The following MLLT1 variants were observed in gnomAD, a reference collection of about 807,000 sequenced individuals.
The protein encoded by MLLT1 is MLLT1 super elongation complex subunit, also known as protein ENL.
A neutral mutation model predicts 55.1 loss-of-function variants in MLLT1; 11 were observed. That is an observed-to-expected ratio of 0.20 (90% CI 0.13 to 0.33). The LOEUF (loss-of-function observed/expected upper bound fraction) is 0.33, where lower values mean the gene tolerates loss of function less well. MLLT1 is among the 10% of genes least tolerant of loss of function. MLLT1 has a pLI of 1.00. For missense variants in MLLT1, 536 were observed against 760.6 expected (o/e 0.70, Z 3.47); for synonymous variants, 323 against 320.1 (o/e 1.01, Z -0.10).
rs538233758 is a variant in MLLT1 at position 6,248,560 on chromosome 19, C to G, written c.276+13668G>C. 1.2e-4 allele frequency among the ~76,000 whole-genome samples: 18 copies of G among 152,334 alleles called. 1 individual carries two copies. The highest frequency in any genetic ancestry group is 6.8e-3 in the Middle Eastern group (2 of 294). The stretch of plus-strand genomic sequence containing the variant: ...TTACCTCTGTGGTCTTCTTATGGAA[C>G]TCTATAGCCACGGACTAGCCATGAG... On this transcript the variant is annotated intron_variant, in intron 3 of 11. Coordinates refer to ENST00000252674, the MANE Select transcript of MLLT1 (RefSeq NM_005934.4).
intron 2 of MLLT1, among the ~76,000 whole-genome samples, chr19:6,265,190 G>A (rs1285519644): frequency 6.6e-6 from 1 of 151,982 alleles, no homozygotes; most frequent in Non-Finnish European, 1.5e-5. Flanking sequence ...CTTTCCAGAA[G>A]ATACTAACAC....
chr19:6,232,778 T>G (rs981204139), intron 3 of MLLT1, among the ~76,000 whole-genome samples: 13 of 152,206 alleles, frequency 8.5e-5, no homozygotes, highest in Admixed American at 8.5e-4. Flanking sequence ...ATTTAAAACT[T>G]GTGATGATTG....
rs1285076826 is a variant in MLLT1, at chr19:6,260,917, C to T, written c.276+1311G>A. On this transcript the variant is annotated intron_variant, in intron 3 of 11. Coordinates refer to ENST00000252674, the MANE Select transcript of MLLT1 (RefSeq NM_005934.4). Reference sequence around the variant, plus strand: ...CCTCAGAGGACCTTAATCTAAGTCACCCCAGAGGCGAGTTTAAACTGCCCA... The same window carrying T: ...CCTCAGAGGACCTTAATCTAAGTCATCCCAGAGGCGAGTTTAAACTGCCCA... Among the ~76,000 whole-genome samples the T allele has an allele frequency of 2.6e-5, 4 of 152,364 alleles. 1 individual carries two copies. In the South Asian group the frequency reaches 8.3e-4, roughly 32 times the overall value.
In MLLT1 at chr19:6,222,523, G is replaced by T; in HGVS notation, c.708C>A (p.Gly236=). The T allele has an allele frequency of 6.2e-7, 1 of 1,600,072 alleles. No homozygotes were observed. Among genetic ancestry groups the T allele is most frequent in the Non-Finnish European group, 8.5e-7 (1 of 1,179,544 alleles). The change falls in exon 6 of 12, where the codon GGC becomes GGA. Residue 236 remains glycine, a synonymous_variant. Transcript: ENST00000252674. The surrounding 1 kb of genome is among the most constrained non-coding windows in gnomAD (Gnocchi z 4.1). ...GCGCCTTCTCCTCCTTGGGCAGCCG[G>T]CCCTCGCCCAGCTTCCGCGAGGTGT... ...SKDTSRKLGE[G]RLPKEEKAPP... is the part of the protein sequence containing the mutation.
At chr19:6,216,812 A>C (rs544362099) in intron 7 of MLLT1, 5 of 398,628 alleles carry the variant, frequency 1.3e-5, no homozygotes, top group African/African-American at 2.1e-5. Context: ...CTGCAGCCGG[A>C]GGAGAACCCC....
intron 3 of MLLT1, among the ~76,000 whole-genome samples, chr19:6,244,905 A>C (rs2091152450): frequency 6.6e-6 from 1 of 152,250 alleles, no homozygotes; most frequent in Admixed American, 6.5e-5. Context: ...CACACCCACT[A>C]GGACAGACGG....
chr19:6,267,073 C>T (rs1367297215), intron 2 of MLLT1, among the ~76,000 whole-genome samples: 6 of 152,058 alleles, frequency 3.9e-5, no homozygotes, highest in African/African-American at 1.4e-4. Context: ...GGAGTTCAGT[C>T]TGGGCAACAC....
chr19:6,215,526 T>C (rs774763787), intron 8 of MLLT1, among the ~76,000 whole-genome samples: 2 of 152,164 alleles, frequency 1.3e-5, no homozygotes, highest in Admixed American at 6.5e-5. Flanking sequence ...AATCCCGCCA[T>C]GTGCCTGCTG....
intron 3 of MLLT1, among the ~76,000 whole-genome samples, chr19:6,232,335 G>A (rs1251049799): frequency 1.3e-5 from 2 of 152,194 alleles, no homozygotes; most frequent in East Asian, 3.8e-4. Context: ...ACCACTCAAT[G>A]GGGACTGAGG....
At chr19:6,265,063 A>AAAAAAAAAAAAAAAAAACATGATGTC (rs2091338148) in intron 2 of MLLT1, among the ~76,000 whole-genome samples, 1 of 136,952 alleles carries the variant, frequency 7.3e-6, no homozygotes. Context: ...AAAACAAAAA[A>AAAAAAAAAAAAAAAAAACATGATGTC]ACAAAAAAAA....
chr19:6,234,187 A>G (rs1179178276), intron 3 of MLLT1, among the ~76,000 whole-genome samples: 1 of 152,198 alleles, frequency 6.6e-6, no homozygotes, highest in Non-Finnish European at 1.5e-5. Context: ...CTCACACAGG[A>G]AACAGTGGCA....
chr19:6,226,835 G>C lies in MLLT1; in HGVS notation c.546+142C>G. 1.8e-6 allele frequency: 1 copy of C among 550,584 alleles called. No individual in the cohort carries two copies. Among genetic ancestry groups the C allele is most frequent in the Admixed American group, 4.3e-5 (1 of 23,490 alleles). The allele number at this position is 550,584 out of a possible 1,614,324, so 34.1% of individuals were successfully genotyped here. A position where few individuals can be genotyped will look rare whatever the true frequency, so the allele number is the denominator to read the frequency against. On this transcript the variant is annotated intron_variant, in intron 5 of 11. Transcript: ENST00000252674. The surrounding 1 kb of genome is among the most constrained non-coding windows in gnomAD (Gnocchi z 6.3). ...GAAGCGGCAGTGCGCAGCGAGGGGT[G>C]TGCAGAGAGCTCAAAGAGGAAGACG... is the stretch of plus-strand genomic sequence containing the variant.
intron 3 of MLLT1, among the ~76,000 whole-genome samples, chr19:6,261,835 A>T (rs1190349755): frequency 6.6e-6 from 1 of 152,170 alleles, no homozygotes; most frequent in Non-Finnish European, 1.5e-5. Flanking sequence ...ACGCATCGTA[A>T]TCGGACTGTA....
intron 3 of MLLT1, chr19:6,259,816 A>AAAAAAAAC (rs1169497696): frequency 6.6e-6 from 1 of 151,600 alleles, no homozygotes; most frequent in Admixed American, 6.6e-5. Context: ...AAAAAAAAAA[A>AAAAAAAAC]AAAACAGAAA....
intron 3 of MLLT1, among the ~76,000 whole-genome samples, chr19:6,233,565 C>G (rs1568282324): frequency 6.6e-6 from 1 of 152,198 alleles, no homozygotes; most frequent in African/African-American, 2.4e-5. Flanking sequence ...CTAGGGAGGG[C>G]TTTCCTTCCC....
At position 6,270,864 on chromosome 19, in the gene MLLT1, T is replaced by A; in HGVS notation, c.13-105A>T. ...TCGATAAAGACCCCCAGCAGTGCAA[T>A]ACGCTCTCAACCCAGTGAGCAGCAC... On this transcript the variant is annotated intron_variant, in intron 1 of 11. Transcript: ENST00000252674. The surrounding 1 kb of genome is among the most constrained non-coding windows in gnomAD (Gnocchi z 7.1). The A allele has an allele frequency of 9.1e-7, 1 of 1,099,190 alleles. No homozygotes were observed. Among genetic ancestry groups the A allele is most frequent in the Non-Finnish European group, 1.3e-6 (1 of 780,824 alleles). 68.1% of individuals were successfully genotyped at this position (1,099,190 alleles called of 1,614,324 possible). A position where few individuals can be genotyped will look rare whatever the true frequency, so the allele number is the denominator to read the frequency against.
intron 6 of MLLT1, among the ~76,000 whole-genome samples, chr19:6,221,083 G>A (rs776225526): frequency 2.0e-5 from 3 of 152,182 alleles, no homozygotes; most frequent in Non-Finnish European, 2.9e-5. Context: ...GGCAATGAGC[G>A]CTGCCCACAT....
chr19:6,267,036 G>A (rs115317018), intron 2 of MLLT1, among the ~76,000 whole-genome samples: 5,199 of 152,144 alleles, frequency 0.034, 99 homozygotes, highest in Middle Eastern at 0.085. Context: ...AAGCAGAGGC[G>A]GGAGGACTGC....
At chr19:6,275,722 A>G (rs2091424333) in intron 1 of MLLT1, among the ~76,000 whole-genome samples, 1 of 152,194 alleles carries the variant, frequency 6.6e-6, no homozygotes, top group African/African-American at 2.4e-5. Flanking sequence ...CCAAGGCACA[A>G]TGACAAAGCG....
Sources: gnomAD v4.1 joint callset for allele counts (sites outside exome capture counted in the v4.1 genomes callset) on GRCh38, gnomAD v4.1.1 for gene constraint, Gnocchi (gnomAD v3.1) non-coding constraint, MANE v1.5 for transcripts, NCBI Gene and HGNC (gene_info 2026-07-23, HGNC 2026-07-21) for gene names.